MAGI1: variants seen among roughly 807,000 people sequenced by gnomAD.
MAGI1 encodes the protein membrane associated guanylate kinase, WW and PDZ domain containing 1.
Under a neutral mutation model 139.9 loss-of-function variants are expected in MAGI1, and 58 were observed. That is an observed-to-expected ratio of 0.41 (90% CI 0.34 to 0.52). MAGI1 has a LOEUF of 0.52. Ranked by LOEUF, MAGI1 falls within the 20% of genes least tolerant of loss-of-function variation. The probability of loss-of-function intolerance (pLI) is 0.12; values close to 1 mark genes in which losing one functional copy is unlikely to be tolerated. For synonymous variants in MAGI1, 812 were observed against 737.9 expected (o/e 1.10, Z -1.63); for missense variants, 1,874 against 1,901.6 (o/e 0.99, Z 0.27).
At chr3:65,503,309 GT>G (rs2107709943) in intron 2 of MAGI1, among the ~76,000 whole-genome samples, 1 of 152,268 alleles carries the variant, frequency 6.6e-6, no homozygotes, top group East Asian at 1.9e-4. Context: ...AAGTTGTTGA[GT>G]TATTTAACAC....
intron 1 of MAGI1, among the ~76,000 whole-genome samples, chr3:65,799,421 G>A (rs1022413821): frequency 3.3e-5 from 5 of 152,210 alleles, no homozygotes; most frequent in African/African-American, 1.2e-4. Context: ...GTAGCGAATG[G>A]TTGTGCAGAT....
chr3:65,781,329 T>C (rs1211658053), intron 1 of MAGI1, among the ~76,000 whole-genome samples: 1 of 152,232 alleles, frequency 6.6e-6, no homozygotes, highest in Admixed American at 6.5e-5. Context: ...TATACTTACA[T>C]GTGCTAGGCA....
At chr3:65,989,437 T>C (rs1476983635) in intron 1 of MAGI1, among the ~76,000 whole-genome samples, 1 of 152,224 alleles carries the variant, frequency 6.6e-6, no homozygotes, top group Non-Finnish European at 1.5e-5. Flanking sequence ...GTAATGCTAC[T>C]GTGGAGAACC....
At chr3:65,924,824 A>C (rs1372808633) in intron 1 of MAGI1, 1 of 152,268 alleles carries the variant, frequency 6.6e-6, no homozygotes, top group Non-Finnish European at 1.5e-5. Flanking sequence ...AATCCATGTA[A>C]AGTACTCACA....
chr3:65,801,813 G>T (rs2040531901), intron 1 of MAGI1, among the ~76,000 whole-genome samples: 1 of 152,042 alleles, frequency 6.6e-6, no homozygotes, highest in African/African-American at 2.4e-5. Context: ...TAAAGCAGGG[G>T]TCCCCAAACC....
intron 2 of MAGI1, among the ~76,000 whole-genome samples, chr3:65,609,217 C>A (rs141380793): frequency 1.3e-5 from 2 of 152,072 alleles, no homozygotes; most frequent in African/African-American, 4.8e-5. Flanking sequence ...TTTACCAAAC[C>A]ATGCAGTTAA....
intron 1 of MAGI1, among the ~76,000 whole-genome samples, chr3:65,778,963 G>C (rs764966696): frequency 6.6e-6 from 1 of 152,156 alleles, no homozygotes; most frequent in African/African-American, 2.4e-5. Context: ...TAGGGGTCGA[G>C]ACCAGGGATA....
chr3:65,766,056 T>A (rs2037444540), intron 1 of MAGI1, among the ~76,000 whole-genome samples: 1 of 152,228 alleles, frequency 6.6e-6, no homozygotes, highest in South Asian at 2.1e-4. Context: ...CCTAACATTT[T>A]CCTGCTTGTT....
chr3:65,400,556 C>T (rs1348561287), intron 13 of MAGI1, among the ~76,000 whole-genome samples: 2 of 152,072 alleles, frequency 1.3e-5, no homozygotes, highest in Non-Finnish European at 2.9e-5. Flanking sequence ...GAAGCCCCTT[C>T]CACCCAGATC....
At chr3:65,898,881 T>A (rs926782415) in intron 1 of MAGI1, among the ~76,000 whole-genome samples, 1 of 152,162 alleles carries the variant, frequency 6.6e-6, no homozygotes, top group African/African-American at 2.4e-5. Flanking sequence ...TTATTATTTG[T>A]CAATTTAAGT....
chr3:65,463,558 A>ATGTGTG (rs56135171), intron 5 of MAGI1, among the ~76,000 whole-genome samples: 9,639 of 140,704 alleles, frequency 0.069, 339 homozygotes, highest in South Asian at 0.087. Context: ...TTGGCCTGAA[A>ATGTGTG]TGTGTGTGTG....
rs779881861 is a variant in MAGI1, at chr3:65,430,819, G to A, written c.1426C>T (p.Arg476Trp). 2.8e-5 allele frequency: 45 copies of A among 1,613,366 alleles called. No homozygotes were observed. Among genetic ancestry groups the A allele is most frequent in the African/African-American group, 5.3e-5 (4 of 74,814 alleles). Residue 476 changes from arginine (R) to tryptophan (W), a missense_variant, in exon 11 of 23, where the codon CGG becomes TGG. Coordinates refer to ENST00000402939, the MANE Select transcript of MAGI1 (RefSeq NM_001033057.2). ...AAGCCAAAGCCACGACTGCTTTTCC[G>A]CAGCTTTGTGTGAATGAACTTGCCT... ...LKGKFIHTKLRKSSRGFGFTV... is the reference protein window; with the variant it reads ...LKGKFIHTKLWKSSRGFGFTV...
At chr3:65,717,184 A>G (rs994271851) in intron 1 of MAGI1, among the ~76,000 whole-genome samples, 1 of 152,204 alleles carries the variant, frequency 6.6e-6, no homozygotes, top group Non-Finnish European at 1.5e-5. Context: ...ACAGTGAAAG[A>G]AAGTTAATAT....
intron 1 of MAGI1, among the ~76,000 whole-genome samples, chr3:65,633,413 C>T (rs760174544): frequency 6.6e-6 from 1 of 152,082 alleles, no homozygotes; most frequent in African/African-American, 2.4e-5. Context: ...AGAGAGGCTG[C>T]GAGACAGATT....
chr3:65,859,906 GT>G (rs1173504987), intron 1 of MAGI1, among the ~76,000 whole-genome samples: 3,565 of 126,476 alleles, frequency 0.028, 58 homozygotes, highest in African/African-American at 0.04. Flanking sequence ...TTTTGTTTTT[GT>G]TTTTTTTTTT....
chr3:65,428,278 A>T (rs1947212376), intron 12 of MAGI1, among the ~76,000 whole-genome samples: 1 of 152,216 alleles, frequency 6.6e-6, no homozygotes, highest in Admixed American at 6.5e-5. Flanking sequence ...AGGATCAGGG[A>T]AACAGCCATT....
chr3:65,621,246 AAC>A (rs1482736555), intron 2 of MAGI1, among the ~76,000 whole-genome samples: 14 of 152,222 alleles, frequency 9.2e-5, no homozygotes, highest in African/African-American at 3.4e-4. Flanking sequence ...AACAACCAGG[AAC>A]ACAGTGTGCC....
intron 1 of MAGI1, among the ~76,000 whole-genome samples, chr3:65,630,655 G>C (rs1353220032): frequency 6.6e-6 from 1 of 152,162 alleles, no homozygotes; most frequent in Admixed American, 6.5e-5. Flanking sequence ...TGGAAGCTAA[G>C]CTATGAGGAC....
rs549795914 is a variant in MAGI1 at position 65,374,800 on chromosome 3, C to T, written c.3196+945G>A. 3.9e-5 allele frequency among the ~76,000 whole-genome samples: 6 copies of T among 152,218 alleles called. No homozygotes were observed. In the South Asian group the frequency reaches 1.2e-3, roughly 32 times the overall value. On this transcript the variant is annotated intron_variant, in intron 18 of 22. Coordinates refer to ENST00000402939, the MANE Select transcript of MAGI1 (RefSeq NM_001033057.2). ...TGTTCCCTGGGGGGCAGAATCACCA[C>T]TTACATAAAAGAACCAAAGATTTGA...
Sources: gnomAD v4.1 joint callset for allele counts (sites outside exome capture counted in the v4.1 genomes callset) on GRCh38, gnomAD v4.1.1 for gene constraint, MANE v1.5 for transcripts, NCBI Gene and HGNC (gene_info 2026-07-23, HGNC 2026-07-21) for gene names.